Variants in VPS54 observed in about 807,000 individuals in gnomAD.
The protein encoded by VPS54 is vacuolar protein sorting-associated protein 54.
A neutral mutation model predicts 121.5 loss-of-function variants in VPS54; 45 were observed. The observed-to-expected ratio is 0.37, with a 90% CI of 0.29 to 0.47. The LOEUF is 0.47. Among genes scored for constraint, VPS54 ranks in the 20% least tolerant of loss-of-function variants. The pLI is 0.99. For missense variants in VPS54, 1,090 were observed against 1,131.4 expected (o/e 0.96, Z 0.52); for synonymous variants, 371 against 385.8 (o/e 0.96, Z 0.45).
chr2:63,968,592 G>A (rs189223849), intron 5 of VPS54, among the ~76,000 whole-genome samples: 3 of 151,950 alleles, frequency 2.0e-5, no homozygotes, highest in South Asian at 2.1e-4. Flanking sequence ...GGTGGCATGC[G>A]CCTGTAATCC....
intron 11 of VPS54, among the ~76,000 whole-genome samples, chr2:63,941,390 A>C (rs549759951): frequency 6.6e-6 from 1 of 152,124 alleles, no homozygotes; most frequent in Admixed American, 6.5e-5. Flanking sequence ...ATGCTTGGCT[A>C]ATTTAAAAAT....
chr2:63,914,733 T>C (rs1247248422), intron 16 of VPS54, among the ~76,000 whole-genome samples: 1 of 151,916 alleles, frequency 6.6e-6, no homozygotes, highest in African/African-American at 2.4e-5. Context: ...ACTAATGAAT[T>C]GATGAAGAAA....
At chr2:64,008,329 G>A (rs1249406519) in intron 1 of VPS54, among the ~76,000 whole-genome samples, 2 of 151,834 alleles carry the variant, frequency 1.3e-5, no homozygotes, top group Non-Finnish European at 2.9e-5. Context: ...CACAAGAATC[G>A]CTTGGACCTG....
At chr2:63,913,980 T>G (rs964509976) in intron 17 of VPS54, 1 of 1,281,652 alleles carries the variant, frequency 7.8e-7, no homozygotes, top group East Asian at 2.8e-5. Context: ...TATGGGTGAA[T>G]GAGGATCACT....
chr2:64,019,304 A>G lies in VPS54; in HGVS notation c.-387T>C, dbSNP rs1678866982. Among the ~76,000 whole-genome samples the G allele has an allele frequency of 6.7e-6, 1 of 150,338 alleles. No homozygotes were observed. Among genetic ancestry groups the G allele is most frequent in the African/African-American group, 2.4e-5 (1 of 41,206 alleles). ...GAGCCGCCGCCGCCGCGCCACGACCACTGCCTCTAGCGCTTCTGCTCCCGA... is the reference window on the plus strand; with the variant it reads ...GAGCCGCCGCCGCCGCGCCACGACCGCTGCCTCTAGCGCTTCTGCTCCCGA... On this transcript the variant is annotated 5_prime_UTR_variant, in exon 1 of 23. Coordinates refer to ENST00000272322, the MANE Select transcript of VPS54 (RefSeq NM_016516.3).
intron 5 of VPS54, among the ~76,000 whole-genome samples, chr2:63,967,217 TAGAA>T (rs1192095627): frequency 1.3e-5 from 2 of 152,270 alleles, no homozygotes; most frequent in Admixed American, 6.5e-5. Flanking sequence ...ATACAAAAAT[TAGAA>T]TGAATATGGT....
chr2:63,924,682 C>T (rs539508527), intron 12 of VPS54, among the ~76,000 whole-genome samples: 8 of 152,160 alleles, frequency 5.3e-5, no homozygotes, highest in Admixed American at 3.9e-4. Flanking sequence ...CAAAAGCTAT[C>T]GTAACTACAG....
chr2:63,926,960 G>C (rs148951066), intron 12 of VPS54, among the ~76,000 whole-genome samples: 105 of 152,244 alleles, frequency 6.9e-4, no homozygotes, highest in African/African-American at 2.3e-3. Context: ...GCTGAGGCTT[G>C]AGTAGGCAGT....
At chr2:63,911,579 T>C (rs966446201) in intron 20 of VPS54, among the ~76,000 whole-genome samples, 2 of 152,234 alleles carry the variant, frequency 1.3e-5, no homozygotes, top group African/African-American at 4.8e-5. Context: ...TAATAGAATA[T>C]GTGTTTGGGT....
At chr2:63,916,012 C>CA (rs1047776752) in intron 16 of VPS54, among the ~76,000 whole-genome samples, 2 of 151,976 alleles carry the variant, frequency 1.3e-5, no homozygotes, top group African/African-American at 2.4e-5. Flanking sequence ...GTGGTCATTT[C>CA]AAAAAACACT....
rs745972672 is a variant in VPS54, at chr2:63,916,889, G to C, written c.2228+11C>G. 3 of 1,613,072 alleles carry C rather than the reference G, an allele frequency of 1.9e-6. No individual in the cohort carries two copies. In the East Asian group the frequency reaches 6.7e-5, roughly 36 times the overall value. On this transcript the variant is annotated intron_variant, in intron 16 of 22. Transcript: ENST00000272322. ...GTTGACTCAACTACTAAAGAAAAAT[G>C]TGTCACTCACCCAACAACTGCATAC...
In VPS54 at chr2:63,947,435, A is replaced by G; in HGVS notation, c.1193T>C (p.Leu398Ser). 4 of 1,554,442 alleles carry G rather than the reference A, an allele frequency of 2.6e-6. No individual in the cohort carries two copies. Among genetic ancestry groups the G allele is most frequent in the Non-Finnish European group, 3.5e-6 (4 of 1,136,642 alleles). Reference protein sequence around the residue: ...GLLKQRKLNFLEIYGEKMVIT... With the variant: ...GLLKQRKLNFSEIYGEKMVIT... ...AACCATTTTTTCACCATAGATTTCT[A>G]AAAAATTAAGCTTTCTTTGTTTTAA... Residue 398 changes from leucine to serine, a missense_variant, in exon 9 of 23, where the codon TTA becomes TCA. Coordinates refer to ENST00000272322, the MANE Select transcript of VPS54 (RefSeq NM_016516.3).
At chr2:63,933,348 G>A (rs1381803885) in intron 12 of VPS54, among the ~76,000 whole-genome samples, 1 of 152,152 alleles carries the variant, frequency 6.6e-6, no homozygotes, top group Non-Finnish European at 1.5e-5. Flanking sequence ...CTGGGTTCCA[G>A]TATATGTTCT....
chr2:63,942,588 T>C, intron 10 of VPS54, 27 bp from the exon 11 acceptor site: 2 of 1,529,542 alleles, frequency 1.3e-6, no homozygotes, highest in South Asian at 1.2e-5. Context: ...CAAACAAAAA[T>C]AATGATTGTC....
chr2:63,998,656 G>A (rs1677724258), intron 1 of VPS54, among the ~76,000 whole-genome samples: 1 of 151,982 alleles, frequency 6.6e-6, no homozygotes, highest in Non-Finnish European at 1.5e-5. Context: ...AACACTGCTT[G>A]TATAAATAGG....
chr2:63,963,439 A>AT (rs1271554722), intron 6 of VPS54, among the ~76,000 whole-genome samples: 1 of 151,362 alleles, frequency 6.6e-6, no homozygotes, highest in Non-Finnish European at 1.5e-5. Context: ...TTACTTTGAG[A>AT]TTTTTTAACC....
intron 21 of VPS54, among the ~76,000 whole-genome samples, chr2:63,898,620 A>G (rs1672542911): frequency 6.6e-6 from 1 of 152,162 alleles, no homozygotes; most frequent in Non-Finnish European, 1.5e-5. Flanking sequence ...ATTTCCACGC[A>G]CTCAACCAAG....
At chr2:63,984,966 A>C (rs1575990587) in intron 1 of VPS54, among the ~76,000 whole-genome samples, 1 of 152,344 alleles carries the variant, frequency 6.6e-6, no homozygotes, top group African/African-American at 2.4e-5. Flanking sequence ...GTCTAAAAAA[A>C]CAAAACAAAA....
intron 8 of VPS54, among the ~76,000 whole-genome samples, chr2:63,948,089 C>T (rs1675071977): frequency 6.6e-6 from 1 of 152,004 alleles, no homozygotes; most frequent in African/African-American, 2.4e-5. Flanking sequence ...CTTCAGCCTC[C>T]TAAAGTGCTT....
Sources: gnomAD v4.1 joint callset for allele counts (sites outside exome capture counted in the v4.1 genomes callset) on GRCh38, gnomAD v4.1.1 for gene constraint, MANE v1.5 for transcripts, NCBI Gene and HGNC (gene_info 2026-07-23, HGNC 2026-07-21) for gene names.